DENND2B: variants seen among roughly 807,000 people sequenced by gnomAD.
The protein encoded by DENND2B is DENN domain-containing protein 2B.
Under a neutral mutation model 116.0 loss-of-function variants are expected in DENND2B, and 32 were observed. That is an observed-to-expected ratio of 0.28 (90% CI 0.21 to 0.37). DENND2B has a LOEUF of 0.37. DENND2B is among the 10% of genes least tolerant of loss of function. The pLI is 1.00. For missense variants in DENND2B, 1,276 were observed against 1,477.7 expected (o/e 0.86, Z 2.24); for synonymous variants, 588 against 583.9 (o/e 1.01, Z -0.10).
chr11:8,882,471 G>A (rs1203232168), intron 1 of DENND2B, among the ~76,000 whole-genome samples: 2 of 152,134 alleles, frequency 1.3e-5, no homozygotes, highest in Non-Finnish European at 2.9e-5. Flanking sequence ...TTGAAAGCAT[G>A]GGTTATTTAT....
chr11:8,860,004 A>C (rs1247477663), intron 2 of DENND2B, among the ~76,000 whole-genome samples: 1 of 152,222 alleles, frequency 6.6e-6, no homozygotes, highest in East Asian at 1.9e-4. Context: ...AATGAAGCCA[A>C]AATATTCCCA....
chr11:8,809,715 TCAAA>T (rs1225938229), intron 1 of DENND2B: 2 of 152,064 alleles, frequency 1.3e-5, no homozygotes, highest in Non-Finnish European at 2.9e-5. Context: ...TGAGATTTGG[TCAAA>T]ATGTAACCAA....
At chr11:8,723,903 C>T (rs926946444) in intron 4 of DENND2B, among the ~76,000 whole-genome samples, 3 of 152,228 alleles carry the variant, frequency 2.0e-5, no homozygotes, top group African/African-American at 7.2e-5. Flanking sequence ...CTGCACATCC[C>T]AGCATGGCTG....
chr11:8,851,724 A>AG (rs34707100), intron 3 of DENND2B, among the ~76,000 whole-genome samples: 31,909 of 152,018 alleles, frequency 0.21, 3,815 homozygotes, highest in Middle Eastern at 0.36. Context: ...TTAAATACAT[A>AG]GGGGGGGACA....
chr11:8,831,632 C>A (rs1157490054), intron 4 of DENND2B: 1 of 152,130 alleles, frequency 6.6e-6, no homozygotes, highest in Non-Finnish European at 1.5e-5. Context: ...GAGGCTGAGG[C>A]AAGAGGACTG....
chr11:8,706,466 G>T (rs2042625277), intron 13 of DENND2B, among the ~76,000 whole-genome samples: 1 of 141,448 alleles, frequency 7.1e-6, no homozygotes, highest in Non-Finnish European at 1.5e-5. Context: ...TCCTCTACTT[G>T]GAATAATCTT....
chr11:8,819,514 T>A (rs749641064), intron 4 of DENND2B, among the ~76,000 whole-genome samples: 6 of 152,186 alleles, frequency 3.9e-5, no homozygotes, highest in Non-Finnish European at 8.8e-5. Flanking sequence ...AATGGACACA[T>A]ATCACCTTAA....
chr11:8,713,499 C>A (rs867109089), intron 8 of DENND2B, among the ~76,000 whole-genome samples: 28 of 152,130 alleles, frequency 1.8e-4, no homozygotes, highest in African/African-American at 6.8e-4. Context: ...CCTGCCTCAG[C>A]CTCCCAAGTA....
At chr11:8,869,705 A>C (rs1033905398) in intron 2 of DENND2B, among the ~76,000 whole-genome samples, 1 of 152,092 alleles carries the variant, frequency 6.6e-6, no homozygotes, top group Non-Finnish European at 1.5e-5. Flanking sequence ...ATGCCAGATA[A>C]ATAAAAAGGA....
At chr11:8,771,560 A>AGAGAGAGAGAGCGAGC (rs1173659150) in intron 1 of DENND2B, 1 of 149,608 alleles carries the variant, frequency 6.7e-6, no homozygotes, top group Non-Finnish European at 1.5e-5. Context: ...AGAGAGAGAG[A>AGAGAGAGAGAGCGAGC]GAGAGAGCCT....
At chr11:8,701,649 A>G (rs1043808749) in intron 14 of DENND2B, among the ~76,000 whole-genome samples, 1 of 152,052 alleles carries the variant, frequency 6.6e-6, no homozygotes, top group South Asian at 2.1e-4. Flanking sequence ...TCCTGCACTC[A>G]TCGGAGCCGT....
chr11:8,724,033 C>T (rs552763326), intron 4 of DENND2B, among the ~76,000 whole-genome samples: 5 of 152,338 alleles, frequency 3.3e-5, no homozygotes, highest in Middle Eastern at 3.4e-3. Flanking sequence ...TTCTGGCTCA[C>T]GCCTATAATC....
At chr11:8,902,244 T>G (rs1297092698) in intron 1 of DENND2B, among the ~76,000 whole-genome samples, 1 of 151,462 alleles carries the variant, frequency 6.6e-6, no homozygotes, top group East Asian at 1.9e-4. Context: ...GAGAATCACT[T>G]GAACCCAGGA....
At chr11:8,811,409 C>G, upstream of DENND2B, 2 of 398,142 alleles carry the variant, frequency 5.0e-6, no homozygotes, top group Non-Finnish European at 8.9e-6. Flanking sequence ...ACAACCCAGA[C>G]GACAAACCTG....
chr11:8,885,384 ATTAGT>A (rs1390825996), intron 1 of DENND2B, among the ~76,000 whole-genome samples: 1 of 152,264 alleles, frequency 6.6e-6, no homozygotes, highest in Non-Finnish European at 1.5e-5. Flanking sequence ...TTAAGAGATG[ATTAGT>A]TTATGTGACA....
At chr11:8,776,139 C>T (rs1824253717) in intron 1 of DENND2B, 8 of 154,334 alleles carry the variant, frequency 5.2e-5, no homozygotes, top group Non-Finnish European at 8.7e-5. Flanking sequence ...CAGACACGCA[C>T]GTGCGCGCAC....
chr11:8,779,488 T>C (rs188222462), intron 1 of DENND2B, among the ~76,000 whole-genome samples: 9 of 149,754 alleles, frequency 6.0e-5, no homozygotes, highest in African/African-American at 2.2e-4. Context: ...GTTTCCTTTT[T>C]CTTTCTTTTC....
intron 2 of DENND2B, among the ~76,000 whole-genome samples, chr11:8,857,954 A>G (rs920885551): frequency 2.6e-5 from 4 of 152,222 alleles, no homozygotes; most frequent in Admixed American, 2.6e-4. Context: ...GTCCTCCAAG[A>G]AATTTCTCTG....
intron 2 of DENND2B, among the ~76,000 whole-genome samples, chr11:8,861,539 T>C (rs146281598): frequency 6.6e-6 from 1 of 152,182 alleles, no homozygotes; most frequent in Non-Finnish European, 1.5e-5. Flanking sequence ...ACAATAGATC[T>C]TGACATGGAT....
Sources: allele counts gnomAD v4.1 joint callset (sites outside exome capture counted in the v4.1 genomes callset), GRCh38; gene constraint gnomAD v4.1.1; transcripts MANE v1.5; gene names NCBI Gene and HGNC (gene_info 2026-07-23, HGNC 2026-07-21).